Variants in COL25A1 observed in about 807,000 individuals in gnomAD.
The protein encoded by COL25A1 is collagen alpha-1(XXV) chain.
A neutral mutation model predicts 128.4 loss-of-function variants in COL25A1; 103 were observed. That is an observed-to-expected ratio of 0.80 (90% CI 0.68 to 0.94). The LOEUF (loss-of-function observed/expected upper bound fraction) is 0.94, where lower values mean the gene tolerates loss of function less well. COL25A1 is among the 40% of genes least tolerant of loss of function. The pLI, the probability that COL25A1 is intolerant of heterozygous loss-of-function variation, is 0.00. For missense variants in COL25A1, 745 were observed against 840.0 expected, an observed-to-expected ratio of 0.89 and a Z score of 1.40; for synonymous variants, 279 against 277.2, an observed-to-expected ratio of 1.01 and a Z score of -0.06.
intron 3 of COL25A1, among the ~76,000 whole-genome samples, chr4:109,277,521 T>A (rs1722957816): frequency 6.6e-6 from 1 of 152,184 alleles, no homozygotes; most frequent in Non-Finnish European, 1.5e-5. Context: ...TCTGAAAGTA[T>A]CTAGCAACTA....
Position 109,253,854 on chromosome 4 carries a change from A to G in COL25A1, c.367+46729T>C, listed in dbSNP as rs374929378. On this transcript the variant is annotated intron_variant, in intron 3 of 37. Transcript: ENST00000399132. Reference sequence around the variant, plus strand: ...TGTAATCCCAGCACTTTGGGAGGCCAAGGCGGGCGGATCACGAGGTCAGGA... The same window carrying G: ...TGTAATCCCAGCACTTTGGGAGGCCGAGGCGGGCGGATCACGAGGTCAGGA... Among the ~76,000 whole-genome samples the G allele has an allele frequency of 7.3e-4, 111 of 152,194 alleles. 1 individual carries two copies. Among genetic ancestry groups the G allele is most frequent in the Admixed American group, 1.4e-3 (21 of 15,276 alleles).
chr4:109,079,814 A>C (rs549058911), intron 3 of COL25A1, among the ~76,000 whole-genome samples: 1 of 132,922 alleles, frequency 7.5e-6, no homozygotes, highest in African/African-American at 2.6e-5. Context: ...AAGCGAGTTA[A>C]AACTGGTGCT....
intron 3 of COL25A1, among the ~76,000 whole-genome samples, chr4:109,186,589 A>G (rs559161274): frequency 6.6e-6 from 1 of 152,274 alleles, no homozygotes; most frequent in South Asian, 2.1e-4. Context: ...AAAATCCAAA[A>G]AGGTCACTGA....
At chr4:108,816,288 T>A (rs951677063) in intron 37 of COL25A1, among the ~76,000 whole-genome samples, 6 of 152,170 alleles carry the variant, frequency 3.9e-5, no homozygotes, top group African/African-American at 4.8e-5. Flanking sequence ...TTCTCACCAA[T>A]GGAGTTGCTA....
intron 8 of COL25A1, among the ~76,000 whole-genome samples, chr4:108,970,504 T>G (rs1022752592): frequency 6.6e-6 from 1 of 152,214 alleles, no homozygotes; most frequent in African/African-American, 2.4e-5. Flanking sequence ...GTATACATCA[T>G]GCGATGGCTA....
chr4:109,218,357 G>GTTTTTTGTTTGTTTGTTTGT (rs1778164499), intron 3 of COL25A1, among the ~76,000 whole-genome samples: 13 of 73,566 alleles, frequency 1.8e-4, no homozygotes, highest in African/African-American at 5.6e-4. Context: ...GTTTTTTGGG[G>GTTTTTTGTTTGTTTGTTTGT]TTTTTTTTTT....
At chr4:109,180,589 G>A (rs1346129501) in intron 3 of COL25A1, among the ~76,000 whole-genome samples, 1 of 151,990 alleles carries the variant, frequency 6.6e-6, no homozygotes, top group Non-Finnish European at 1.5e-5. Context: ...GATGATGGTG[G>A]TGATAACGAT....
chr4:109,046,385 A>G (rs1760433471), intron 5 of COL25A1, among the ~76,000 whole-genome samples: 1 of 152,192 alleles, frequency 6.6e-6, no homozygotes, highest in Non-Finnish European at 1.5e-5. Flanking sequence ...TTTTCGAGGA[A>G]TCAAAGAGGA....
In COL25A1 at chr4:109,200,766, T is replaced by A. The variant is rs186960421; in HGVS notation, c.367+99817A>T. Among the ~76,000 whole-genome samples, 103 of 152,292 alleles carry A rather than the reference T, an allele frequency of 6.8e-4. No individual in the cohort carries two copies. In the East Asian group the frequency reaches 0.017, roughly 26 times the overall value. On this transcript the variant is annotated intron_variant, in intron 3 of 37. Coordinates refer to ENST00000399132, the MANE Select transcript of COL25A1 (RefSeq NM_198721.4). ...TGCACCCGGCCTCTCCTAACATGAA[T>A]CTTCTAAGTCTCCTTTGTTAGTTCT...
intron 3 of COL25A1, among the ~76,000 whole-genome samples, chr4:109,150,921 CTGCAAA>C (rs1399958048): frequency 1.8e-4 from 28 of 152,090 alleles, no homozygotes; most frequent in Non-Finnish European, 2.9e-5. Flanking sequence ...TAATTAAGCT[CTGCAAA>C]TGCAGGAGTA....
At chr4:109,042,359 T>C (rs1759993687) in intron 5 of COL25A1, among the ~76,000 whole-genome samples, 1 of 152,090 alleles carries the variant, frequency 6.6e-6, no homozygotes, top group South Asian at 2.1e-4. Flanking sequence ...AGAAGACAAA[T>C]CAGCGTGCAG....
At chr4:108,884,072 GAACAGC>G in intron 19 of COL25A1, 100 bp downstream of exon 19, 5 of 1,113,878 alleles carry the variant, frequency 4.5e-6, no homozygotes, top group Non-Finnish European at 6.7e-6. Flanking sequence ...AGTACTTAGA[GAACAGC>G]ATTCTATTTT....
rs1488428856 is a variant in COL25A1 at position 108,862,528 on chromosome 4, T to G, written c.1170A>C (p.Ser390=). Residue 390 remains serine, a synonymous_variant, in exon 22 of 38, where the codon TCA becomes TCC. Transcript: ENST00000399132. Reference sequence around the variant, plus strand: ...TTGACCCCTTTGGGCCTCTAGTTCCTGATTCACCTTGTTTCCCCTATTACA... The same window carrying G: ...TTGACCCCTTTGGGCCTCTAGTTCCGGATTCACCTTGTTTCCCCTATTACA... ...APGPKGKQGE[S]GTRGPKGSKG... The G allele has an allele frequency of 1.9e-6, 3 of 1,612,030 alleles. No individual in the cohort carries two copies. Among genetic ancestry groups the G allele is most frequent in the Non-Finnish European group, 2.5e-6 (3 of 1,178,188 alleles).
chr4:109,074,398 C>T (rs368850382), intron 3 of COL25A1, among the ~76,000 whole-genome samples: 1 of 152,138 alleles, frequency 6.6e-6, no homozygotes, highest in Admixed American at 6.5e-5. Flanking sequence ...TCTAGTCCCC[C>T]CACCTGAGAG....
intron 3 of COL25A1, among the ~76,000 whole-genome samples, chr4:109,103,181 T>C (rs1766078161): frequency 6.6e-6 from 1 of 152,172 alleles, no homozygotes; most frequent in Admixed American, 6.5e-5. Context: ...AATAAACTAA[T>C]ACATCACTAT....
chr4:109,296,611 C>T (rs559248387), intron 3 of COL25A1, among the ~76,000 whole-genome samples: 1 of 152,164 alleles, frequency 6.6e-6, no homozygotes, highest in East Asian at 1.9e-4. Flanking sequence ...GTCCAGCACT[C>T]CTATTTTGGA....
chr4:109,093,970 T>C (rs190308086), intron 3 of COL25A1, among the ~76,000 whole-genome samples: 7 of 152,190 alleles, frequency 4.6e-5, no homozygotes, highest in East Asian at 1.9e-4. Flanking sequence ...ATCAAAGACA[T>C]TGTAATGTCA....
At chr4:108,946,775 G>T (rs1390268153) in intron 8 of COL25A1, among the ~76,000 whole-genome samples, 11 of 152,196 alleles carry the variant, frequency 7.2e-5, no homozygotes, top group Non-Finnish European at 1.3e-4. Context: ...TCCCAAGCCA[G>T]GTGAATGAGG....
At chr4:109,125,021 C>T (rs1768458086) in intron 3 of COL25A1, among the ~76,000 whole-genome samples, 2 of 151,980 alleles carry the variant, frequency 1.3e-5, no homozygotes, top group Admixed American at 1.3e-4. Context: ...AGCAAAACCC[C>T]CCCACACTTT....
Sources: gnomAD v4.1 joint callset for allele counts (sites outside exome capture counted in the v4.1 genomes callset) on GRCh38, gnomAD v4.1.1 for gene constraint, MANE v1.5 for transcripts, NCBI Gene and HGNC (gene_info 2026-07-23, HGNC 2026-07-21) for gene names.